The following GPR176 variants were observed in gnomAD, a reference collection of about 807,000 sequenced individuals.
GPR176 encodes the protein G-protein coupled receptor 176.
In GPR176, 26 loss-of-function variants were observed where a neutral mutation model predicts 35.4. That is an observed-to-expected ratio of 0.74 (90% CI 0.54 to 1.02). GPR176 has a LOEUF of 1.02. Among genes scored for constraint, GPR176 ranks in the 50% least tolerant of loss-of-function variants. The pLI is 0.00. For synonymous variants in GPR176, 278 were observed against 271.3 expected, an observed-to-expected ratio of 1.02 and a Z score of -0.24; for missense variants, 597 against 665.3, an observed-to-expected ratio of 0.90 and a Z score of 1.13.
intron 1 of GPR176, among the ~76,000 whole-genome samples, chr15:39,845,885 T>C (rs2030387069): frequency 6.6e-6 from 1 of 152,090 alleles, no homozygotes; most frequent in African/African-American, 2.4e-5. Context: ...GTATTTTTGT[T>C]GAGAATGTTA....
At chr15:39,919,128 T>C (rs1279047553) in intron 1 of GPR176, among the ~76,000 whole-genome samples, 1 of 152,242 alleles carries the variant, frequency 6.6e-6, no homozygotes, top group Non-Finnish European at 1.5e-5. Context: ...CTCACACTAG[T>C]AGGCTAATAT....
At chr15:39,869,422 A>G (rs1003383682) in intron 1 of GPR176, among the ~76,000 whole-genome samples, 2 of 152,196 alleles carry the variant, frequency 1.3e-5, no homozygotes, top group African/African-American at 4.8e-5. Flanking sequence ...GCTGTGGAGA[A>G]GAAACAGCTT....
intron 1 of GPR176, among the ~76,000 whole-genome samples, chr15:39,865,476 C>T (rs187378316): frequency 8.9e-4 from 135 of 152,070 alleles, no homozygotes; most frequent in Admixed American, 1.5e-3. Context: ...ATATGTTCTT[C>T]CTTATAAGTG....
In GPR176 at chr15:39,802,205, A is replaced by G. The variant is rs1194885012; in HGVS notation, c.475T>C (p.Ser159Pro). Residue 159 changes from serine to proline, a missense_variant, in exon 3 of 3, where the codon TCC becomes CCC. By Grantham distance (74) the Ser-to-Pro change is moderately conservative. Coordinates refer to ENST00000561100, the MANE Select transcript of GPR176 (RefSeq NM_007223.3). ...PLERKISDAKSRELVMYIWAH... is the reference protein window; with the variant it reads ...PLERKISDAKPRELVMYIWAH... ...CAGATGTACATCACCAGTTCACGGGACTTGGCATCAGATATTTTCCTCTCC... is the reference window on the plus strand; with the variant it reads ...CAGATGTACATCACCAGTTCACGGGGCTTGGCATCAGATATTTTCCTCTCC... 1 of 1,613,764 alleles carries G rather than the reference A, an allele frequency of 6.2e-7. No homozygotes were observed. Among genetic ancestry groups the G allele is most frequent in the Non-Finnish European group, 8.5e-7 (1 of 1,179,756 alleles).
At chr15:39,892,930 TA>T (rs1333847981) in intron 1 of GPR176, among the ~76,000 whole-genome samples, 3 of 152,368 alleles carry the variant, frequency 2.0e-5, no homozygotes, top group African/African-American at 7.2e-5. Context: ...TGCTGTAGAA[TA>T]GGTAGAAATG....
chr15:39,838,505 T>A (rs1474392247), intron 1 of GPR176, among the ~76,000 whole-genome samples: 6 of 152,152 alleles, frequency 3.9e-5, no homozygotes, highest in African/African-American at 1.4e-4. Context: ...AAGTTTTACA[T>A]TAATAGCCCA....
At chr15:39,863,145 C>T (rs1356786934) in intron 1 of GPR176, among the ~76,000 whole-genome samples, 1 of 151,320 alleles carries the variant, frequency 6.6e-6, no homozygotes, top group African/African-American at 2.4e-5. Flanking sequence ...CTGCAAGCTC[C>T]GACTCCTGGG....
chr15:39,874,839 T>C (rs2140842166), intron 1 of GPR176, among the ~76,000 whole-genome samples: 1 of 151,688 alleles, frequency 6.6e-6, no homozygotes, highest in South Asian at 2.1e-4. Context: ...AGGTCGGGAG[T>C]TCAAGACCAG....
At chr15:39,896,638 CA>C (rs981537966) in intron 1 of GPR176, among the ~76,000 whole-genome samples, 2 of 152,266 alleles carry the variant, frequency 1.3e-5, no homozygotes, top group African/African-American at 4.8e-5. Context: ...GACTCAAGGA[CA>C]AAACACTAGC....
At chr15:39,856,525 A>G (rs564734137) in intron 1 of GPR176, among the ~76,000 whole-genome samples, 9 of 152,302 alleles carry the variant, frequency 5.9e-5, no homozygotes, top group Admixed American at 4.6e-4. Context: ...CTGAAGGTTA[A>G]CGGGCTGGAG....
intron 1 of GPR176, among the ~76,000 whole-genome samples, chr15:39,850,126 G>A (rs539344048): frequency 3.9e-5 from 6 of 152,312 alleles, no homozygotes; most frequent in Admixed American, 3.9e-4. Context: ...GGGTGAGTCA[G>A]TAGGTAAGCA....
At chr15:39,836,068 C>G (rs1014399275) in intron 1 of GPR176, among the ~76,000 whole-genome samples, 1 of 152,190 alleles carries the variant, frequency 6.6e-6, no homozygotes, top group Non-Finnish European at 1.5e-5. Context: ...GCACTCTAGC[C>G]TGGGCAACAG....
chr15:39,910,504 G>A (rs1014080148), intron 1 of GPR176, among the ~76,000 whole-genome samples: 1 of 151,862 alleles, frequency 6.6e-6, no homozygotes, highest in Non-Finnish European at 1.5e-5. Context: ...GTTGCAGTGA[G>A]CTGAGATCAC....
At chr15:39,839,590 A>G (rs1225428900) in intron 1 of GPR176, among the ~76,000 whole-genome samples, 1 of 152,214 alleles carries the variant, frequency 6.6e-6, no homozygotes, top group Non-Finnish European at 1.5e-5. Flanking sequence ...TGACTAAAAC[A>G]CCAAAAGCAA....
At chr15:39,869,740 C>T (rs1237294397) in intron 1 of GPR176, among the ~76,000 whole-genome samples, 1 of 152,110 alleles carries the variant, frequency 6.6e-6, no homozygotes, top group East Asian at 1.9e-4. Context: ...ATCCTTTACC[C>T]CAATCACATT....
chr15:39,811,882 C>G (rs192036418), intron 1 of GPR176, among the ~76,000 whole-genome samples: 8 of 151,000 alleles, frequency 5.3e-5, no homozygotes, highest in Admixed American at 4.6e-4. Context: ...CGCCATTGCA[C>G]TCCAGCCTGG....
intron 1 of GPR176, among the ~76,000 whole-genome samples, chr15:39,907,777 GTTAA>G (rs1419175848): frequency 1.3e-5 from 2 of 152,028 alleles, no homozygotes; most frequent in African/African-American, 2.4e-5. Flanking sequence ...AGGTTTTTAT[GTTAA>G]TTAACTATCA....
At chr15:39,913,789 G>A (rs1187668341) in intron 1 of GPR176, among the ~76,000 whole-genome samples, 1 of 152,188 alleles carries the variant, frequency 6.6e-6, no homozygotes, top group Non-Finnish European at 1.5e-5. Flanking sequence ...GCTCACGCCT[G>A]TAATCCCAGC....
chr15:39,836,755 G>A (rs1184715336), intron 1 of GPR176, among the ~76,000 whole-genome samples: 1 of 152,002 alleles, frequency 6.6e-6, no homozygotes. Flanking sequence ...TTTACTCTGG[G>A]TCCCCTTTAG....
Sources: allele counts gnomAD v4.1 joint callset (sites outside exome capture counted in the v4.1 genomes callset), GRCh38; gene constraint gnomAD v4.1.1; transcripts MANE v1.5; gene names NCBI Gene and HGNC (gene_info 2026-07-23, HGNC 2026-07-21).